PAK1: variants seen among roughly 807,000 people sequenced by gnomAD.
The protein encoded by PAK1 is p21 (RAC1) activated kinase 1, also known as serine/threonine-protein kinase PAK 1.
Under a neutral mutation model 67.4 loss-of-function variants are expected in PAK1, and 29 were observed. The observed-to-expected ratio is 0.43, with a 90% CI of 0.32 to 0.59. PAK1 has a LOEUF of 0.59. Ranked by LOEUF, PAK1 falls within the 20% of genes least tolerant of loss-of-function variation. The pLI is 0.07. For synonymous variants in PAK1, 223 were observed against 237.4 expected (o/e 0.94, Z 0.56); for missense variants, 337 against 670.7 (o/e 0.50, Z 5.50).
intron 1 of PAK1, among the ~76,000 whole-genome samples, chr11:77,413,959 C>T (rs111720013): frequency 0.032 from 4,885 of 152,248 alleles, 131 homozygotes; most frequent in African/African-American, 0.074. Flanking sequence ...GACTTCCCAC[C>T]CCATGCAGCA....
chr11:77,465,486 T>C (rs773380113), intron 1 of PAK1, among the ~76,000 whole-genome samples: 2 of 152,132 alleles, frequency 1.3e-5, no homozygotes, highest in Non-Finnish European at 2.9e-5. Flanking sequence ...ACTTTTCAAG[T>C]CTATCACAAT....
the PAK1 span, among the ~76,000 whole-genome samples, chr11:77,515,158 G>C: frequency 1.3e-5 from 2 of 152,156 alleles, no homozygotes; most frequent in Non-Finnish European, 2.9e-5. Flanking sequence ...ATATTTCATA[G>C]GTTTCCATTG....
At chr11:77,359,480 G>A (rs1479239018) in intron 5 of PAK1, among the ~76,000 whole-genome samples, 1 of 152,024 alleles carries the variant, frequency 6.6e-6, no homozygotes, top group Non-Finnish European at 1.5e-5. Flanking sequence ...GTCTAAACAG[G>A]CTTTTGCCCT....
intron 1 of PAK1, chr11:77,411,782 G>A (rs1325411610): frequency 1.3e-5 from 2 of 152,318 alleles, no homozygotes; most frequent in African/African-American, 4.8e-5. Flanking sequence ...ACCTGGTGGG[G>A]AAGGCTAGCC....
chr11:77,398,755 T>C (rs1952185995), intron 1 of PAK1, among the ~76,000 whole-genome samples: 1 of 152,222 alleles, frequency 6.6e-6, no homozygotes, highest in East Asian at 1.9e-4. Flanking sequence ...GTTTGTTTGT[T>C]TGTTTAATCA....
chr11:77,483,110 T>G, the PAK1 span, among the ~76,000 whole-genome samples: 3 of 151,252 alleles, frequency 2.0e-5, no homozygotes, highest in African/African-American at 7.3e-5. Context: ...GGCAGGAGAA[T>G]CGCTTGAACC....
chr11:77,348,686 A>G lies in PAK1; in HGVS notation c.885+553T>C, dbSNP rs544897803. ...CACTTGTAAGTAATGTTCACATTCA[A>G]TCATCTAATCCTGTTGAACCTACCT... On this transcript the variant is annotated intron_variant, in intron 9 of 14. Coordinates refer to ENST00000356341, the MANE Select transcript of PAK1 (RefSeq NM_002576.5). Among the ~76,000 whole-genome samples the G allele has an allele frequency of 1.8e-4, 27 of 152,324 alleles. No homozygotes were observed. In the South Asian group the frequency reaches 5.6e-3, roughly 32 times the overall value.
chr11:77,486,069 C>G, the PAK1 span, among the ~76,000 whole-genome samples: 1 of 152,192 alleles, frequency 6.6e-6, no homozygotes, highest in Non-Finnish European at 1.5e-5. Flanking sequence ...CTTCCATTTA[C>G]CATAGCTAGA....
chr11:77,357,369 T>C (rs1245363460), intron 6 of PAK1, among the ~76,000 whole-genome samples: 1 of 152,188 alleles, frequency 6.6e-6, no homozygotes, highest in Non-Finnish European at 1.5e-5. Context: ...AGGCAATGGC[T>C]TCCTTCCTGA....
chr11:77,429,056 T>TAAAAAAAAAAAAAA lies in PAK1; in HGVS notation c.-21-36529_-21-36516dup, dbSNP rs566874549. On this transcript the variant is annotated intron_variant, in intron 1 of 14. Coordinates refer to ENST00000356341, the MANE Select transcript of PAK1 (RefSeq NM_002576.5). ...TTGGATTCTAAATGCCATTTAATACTAAAAAAAAAAAAAAAAAAAAAAAAA... is the reference window on the plus strand; with the variant it reads ...TTGGATTCTAAATGCCATTTAATACTAAAAAAAAAAAAAAAAAAAAAAAAAAAAAAAAAAAAAAA... Among the ~76,000 whole-genome samples, 38 of 48,986 alleles carry TAAAAAAAAAAAAAA rather than the reference T, an allele frequency of 7.8e-4. 4 individuals carry two copies. Among genetic ancestry groups the TAAAAAAAAAAAAAA allele is most frequent in the East Asian group, 2.5e-3 (3 of 1,206 alleles). 32.1% of individuals were successfully genotyped at this position (48,986 alleles called of 152,430 possible). A position where few individuals can be genotyped will look rare whatever the true frequency, so the allele number is the denominator to read the frequency against.
chr11:77,484,319 C>G, the PAK1 span, among the ~76,000 whole-genome samples: 1 of 151,864 alleles, frequency 6.6e-6, no homozygotes, highest in Non-Finnish European at 1.5e-5. Context: ...CAACAATCAG[C>G]TGCTCCATGT....
chr11:77,409,514 T>C (rs747436472), intron 1 of PAK1, among the ~76,000 whole-genome samples: 5 of 152,112 alleles, frequency 3.3e-5, no homozygotes. Flanking sequence ...CCTGTAGCAC[T>C]ATTCATAATA....
the PAK1 span, among the ~76,000 whole-genome samples, chr11:77,524,238 T>A: frequency 6.6e-6 from 1 of 152,238 alleles, no homozygotes; most frequent in African/African-American, 2.4e-5. Flanking sequence ...CCCATAACCA[T>A]GCCTGCCTCA....
At chr11:77,512,068 T>C in the PAK1 span, among the ~76,000 whole-genome samples, 1 of 152,162 alleles carries the variant, frequency 6.6e-6, no homozygotes, top group African/African-American at 2.4e-5. Context: ...CAAGAGTCGA[T>C]ACTGCTAACA....
rs58568949 is a variant in PAK1, at chr11:77,365,343, A to T, written c.478-6326T>A. Among the ~76,000 whole-genome samples the T allele has an allele frequency of 5.9e-3, 898 of 151,618 alleles. 7 individuals carry two copies. Among genetic ancestry groups the T allele is most frequent in the African/African-American group, 0.021 (862 of 41,410 alleles). The stretch of plus-strand genomic sequence containing the variant: ...ACTGAGGTAAAAAAAAATTAAAGAA[A>T]AAAACAGAGCATCAAAGAGCTGTGG... On this transcript the variant is annotated intron_variant, in intron 5 of 14. Coordinates refer to ENST00000356341, the MANE Select transcript of PAK1 (RefSeq NM_002576.5).
chr11:77,500,684 A>G, the PAK1 span, among the ~76,000 whole-genome samples: 2 of 151,568 alleles, frequency 1.3e-5, no homozygotes, highest in Admixed American at 1.3e-4. Flanking sequence ...GTCTCCACAC[A>G]CACAAAAAAA....
upstream of PAK1, chr11:77,475,847 C>T (rs1958054224): frequency 6.6e-6 from 1 of 152,196 alleles, no homozygotes; most frequent in African/African-American, 2.4e-5. Flanking sequence ...CAGTGCTTGA[C>T]ATATACCTAA....
At chr11:77,449,566 AAC>A (rs892263334) in intron 1 of PAK1, among the ~76,000 whole-genome samples, 1 of 152,110 alleles carries the variant, frequency 6.6e-6, no homozygotes, top group African/African-American at 2.4e-5. Context: ...TCCTCAAAAT[AAC>A]ACAGTGAAGG....
At chr11:77,336,334 T>G (rs1049056314) in intron 12 of PAK1, 52 bp from the exon 13 acceptor site, 6 of 1,347,668 alleles carry the variant, frequency 4.5e-6, no homozygotes, top group African/African-American at 1.4e-5. Flanking sequence ...TACACTCACT[T>G]CAGTAAGTGT....
Sources: allele counts gnomAD v4.1 joint callset (sites outside exome capture counted in the v4.1 genomes callset), GRCh38; gene constraint gnomAD v4.1.1; transcripts MANE v1.5; gene names NCBI Gene and HGNC (gene_info 2026-07-23, HGNC 2026-07-21).